NCAM1: variants seen among roughly 807,000 people sequenced by gnomAD.
The protein encoded by NCAM1 is neural cell adhesion molecule 1.
Under a neutral mutation model 109.8 loss-of-function variants are expected in NCAM1, and 14 were observed. The observed-to-expected ratio is 0.13, with a 90% CI of 0.08 to 0.20. NCAM1 has a LOEUF of 0.20. NCAM1 is among the 10% of genes least tolerant of loss of function. The pLI, the probability that NCAM1 is intolerant of heterozygous loss-of-function variation, is 1.00. For synonymous variants in NCAM1, 418 were observed against 442.9 expected (o/e 0.94, Z 0.70); for missense variants, 774 against 1,109.9 (o/e 0.70, Z 4.30).
chr11:112,974,311 G>C (rs56049549), intron 1 of NCAM1, among the ~76,000 whole-genome samples: 5 of 151,894 alleles, frequency 3.3e-5, no homozygotes, highest in African/African-American at 1.2e-4. Flanking sequence ...TATGTTTGCT[G>C]TTGTATCTCC....
intron 16 of NCAM1, among the ~76,000 whole-genome samples, chr11:113,257,871 T>C (rs1350646810): frequency 1.3e-5 from 2 of 152,242 alleles, no homozygotes; most frequent in African/African-American, 4.8e-5. Context: ...CATAGTGATA[T>C]ATACACATCC....
In NCAM1 at chr11:113,098,930, A is replaced by T. The variant is rs553100684; in HGVS notation, c.53-103449A>T. On this transcript the variant is annotated intron_variant, in intron 1 of 19. Coordinates refer to ENST00000316851, the MANE Select transcript of NCAM1 (RefSeq NM_181351.5). ...CAGGTTCCTGGAGATAATTAAAACC[A>T]TTGAACAGGATCATTGTTTACAAGA... is the stretch of plus-strand genomic sequence containing the variant. 2.0e-5 allele frequency among the ~76,000 whole-genome samples: 3 copies of T among 152,340 alleles called. No homozygotes were observed. In the South Asian group the frequency reaches 6.2e-4, roughly 32 times the overall value.
At chr11:113,034,013 G>T (rs1952792339) in intron 1 of NCAM1, among the ~76,000 whole-genome samples, 2 of 151,986 alleles carry the variant, frequency 1.3e-5, no homozygotes, top group African/African-American at 2.4e-5. Context: ...TTTAGATTTG[G>T]CCTAGTTTCT....
chr11:113,162,821 C>T (rs973185515), intron 1 of NCAM1, among the ~76,000 whole-genome samples: 4 of 152,234 alleles, frequency 2.6e-5, no homozygotes, highest in Non-Finnish European at 5.9e-5. Context: ...ATCTCATTAA[C>T]GATTCAACAC....
At chr11:113,018,619 A>C (rs1952282753) in intron 1 of NCAM1, among the ~76,000 whole-genome samples, 1 of 152,188 alleles carries the variant, frequency 6.6e-6, no homozygotes, top group Non-Finnish European at 1.5e-5. Context: ...AGTATGCCCA[A>C]GTCAGCCACT....
intron 1 of NCAM1, among the ~76,000 whole-genome samples, chr11:113,151,331 C>G (rs547122201): frequency 6.6e-6 from 1 of 152,252 alleles, no homozygotes; most frequent in Admixed American, 6.5e-5. Flanking sequence ...AAGCCACAAC[C>G]CAGTCAGGCA....
At chr11:113,112,064 T>C (rs961099103) in intron 1 of NCAM1, among the ~76,000 whole-genome samples, 6 of 152,112 alleles carry the variant, frequency 3.9e-5, no homozygotes, top group African/African-American at 1.4e-4. Context: ...AATGTCTTTG[T>C]GAACATTCTG....
In NCAM1 at chr11:113,233,732, G is replaced by C. The variant is rs548028001; in HGVS notation, c.1693+415G>C. 6.6e-6 allele frequency among the ~76,000 whole-genome samples: 1 copy of C among 152,318 alleles called. No individual in the cohort carries two copies. The highest frequency in any genetic ancestry group is 2.4e-5 in the African/African-American group (1 of 41,578). On this transcript the variant is annotated intron_variant, in intron 13 of 19. Coordinates refer to ENST00000316851, the MANE Select transcript of NCAM1 (RefSeq NM_181351.5). This position sits in a 1 kb window ranked among gnomAD's most constrained non-coding sequence, Gnocchi z 4.5. ...GGATATCTGTACTCAGGGACTGGCT[G>C]TCTTGTAATTGTGATAGTAACCAAA... is the stretch of plus-strand genomic sequence containing the variant.
intron 1 of NCAM1, among the ~76,000 whole-genome samples, chr11:113,031,660 TC>T (rs1952721780): frequency 6.6e-6 from 1 of 151,324 alleles, no homozygotes; most frequent in Non-Finnish European, 1.5e-5. Flanking sequence ...CCACTGCACT[TC>T]AGCCTGGGCA....
At chr11:113,103,800 G>A (rs908144605) in intron 1 of NCAM1, among the ~76,000 whole-genome samples, 12 of 152,038 alleles carry the variant, frequency 7.9e-5, no homozygotes, top group Non-Finnish European at 2.9e-5. Flanking sequence ...TGAAGTAACC[G>A]TGGGCGATAT....
chr11:113,069,259 G>C (rs1466191359), intron 1 of NCAM1, among the ~76,000 whole-genome samples: 1 of 152,132 alleles, frequency 6.6e-6, no homozygotes, highest in Non-Finnish European at 1.5e-5. Flanking sequence ...AGGTAGAGTA[G>C]GAATATGCCA....
intron 1 of NCAM1, among the ~76,000 whole-genome samples, chr11:113,114,128 G>A (rs957096437): frequency 2.0e-5 from 3 of 152,210 alleles, no homozygotes; most frequent in Non-Finnish European, 2.9e-5. Context: ...TGGTGGTTTT[G>A]TGGAGAATTA....
chr11:113,226,312 C>A (rs978711550), intron 9 of NCAM1, among the ~76,000 whole-genome samples: 85 of 152,076 alleles, frequency 5.6e-4, no homozygotes, highest in African/African-American at 1.9e-3. Flanking sequence ...TTTAAACCAA[C>A]AAAGATCAAA....
At chr11:113,042,220 C>T (rs1312437645) in intron 1 of NCAM1, among the ~76,000 whole-genome samples, 1 of 152,136 alleles carries the variant, frequency 6.6e-6, no homozygotes, top group Non-Finnish European at 1.5e-5. Flanking sequence ...GCTCCTTTGT[C>T]CTTCCTTTCC....
intron 1 of NCAM1, among the ~76,000 whole-genome samples, chr11:113,176,945 A>G (rs1943167825): frequency 1.3e-5 from 2 of 152,238 alleles, no homozygotes; most frequent in African/African-American, 4.8e-5. Context: ...GCAGAAGGGC[A>G]TATGAGAGTG....
At chr11:113,184,003 T>G (rs541777784) in intron 1 of NCAM1, among the ~76,000 whole-genome samples, 1 of 152,206 alleles carries the variant, frequency 6.6e-6, no homozygotes, top group African/African-American at 2.4e-5. Context: ...CTCAGAAAGA[T>G]CTATCATTCC....
chr11:113,095,839 C>T (rs957658900), intron 1 of NCAM1, among the ~76,000 whole-genome samples: 6 of 152,144 alleles, frequency 3.9e-5, no homozygotes, highest in Admixed American at 6.5e-5. Flanking sequence ...GACTGTGTGA[C>T]CTTGAGCAAA....
intron 1 of NCAM1, among the ~76,000 whole-genome samples, chr11:113,103,308 G>C (rs1939958804): frequency 6.6e-6 from 1 of 152,160 alleles, no homozygotes; most frequent in Non-Finnish European, 1.5e-5. Flanking sequence ...TTTGTGACTT[G>C]AAAAAAGTTT....
intron 1 of NCAM1, among the ~76,000 whole-genome samples, chr11:113,036,551 C>G (rs918211248): frequency 1.1e-4 from 16 of 152,196 alleles, no homozygotes; most frequent in Admixed American, 1.0e-3. Context: ...TTTATAGATG[C>G]CTTCCCTCCG....
Sources: gnomAD v4.1 joint callset for allele counts (sites outside exome capture counted in the v4.1 genomes callset) on GRCh38, gnomAD v4.1.1 for gene constraint, Gnocchi (gnomAD v3.1) non-coding constraint, MANE v1.5 for transcripts, NCBI Gene and HGNC (gene_info 2026-07-23, HGNC 2026-07-21) for gene names.